Variants in GRM7 observed in about 807,000 individuals in gnomAD.
GRM7 encodes glutamate metabotropic receptor 7, also known as metabotropic glutamate receptor 7.
In GRM7, 35 loss-of-function variants were observed where a neutral mutation model predicts 84.5. The observed-to-expected ratio is 0.41, with a 90% confidence interval of 0.32 to 0.55. The LOEUF (loss-of-function observed/expected upper bound fraction) is 0.55. GRM7 is among the 20% of genes least tolerant of loss of function. The pLI is 0.19. For missense variants in GRM7, 1,003 were observed against 1,194.6 expected (o/e 0.84, Z 2.36); for synonymous variants, 487 against 455.1 (o/e 1.07, Z -0.89).
rs114014560 is a variant in GRM7, at chr3:7,597,896, G to T, written c.2451+18539G>T. 4.0e-3 allele frequency among the ~76,000 whole-genome samples: 605 copies of T among 152,258 alleles called. 5 individuals carry two copies. The highest frequency in any genetic ancestry group is 0.014 in the African/African-American group (584 of 41,558). On this transcript the variant is annotated intron_variant, in intron 8 of 9. Transcript: ENST00000357716. ...TAAATGAGGAATAAGGGAAGTTGGT[G>T]ATGGACAACAGATCTCTTGTTACAT...
chr3:7,398,500 C>A (rs1294309694), intron 4 of GRM7, among the ~76,000 whole-genome samples: 1 of 151,954 alleles, frequency 6.6e-6, no homozygotes, highest in African/African-American at 2.4e-5. Flanking sequence ...TAAGATATGG[C>A]AAGTTTCTTG....
At chr3:7,034,179 T>C (rs892778937) in intron 1 of GRM7, among the ~76,000 whole-genome samples, 1 of 152,184 alleles carries the variant, frequency 6.6e-6, no homozygotes, top group Non-Finnish European at 1.5e-5. Flanking sequence ...CATTCCATCA[T>C]TGATCTTTTG....
chr3:6,880,760 G>A (rs777064921), intron 1 of GRM7, among the ~76,000 whole-genome samples: 5 of 151,908 alleles, frequency 3.3e-5, no homozygotes, highest in East Asian at 1.9e-4. Flanking sequence ...TTCTCGTCTC[G>A]TATTTGGACT....
chr3:6,880,648 C>A (rs1442744231), intron 1 of GRM7, among the ~76,000 whole-genome samples: 8 of 149,392 alleles, frequency 5.4e-5, no homozygotes, highest in East Asian at 2.0e-4. Flanking sequence ...TTTGATATCA[C>A]CCCATCCACT....
chr3:7,517,902 G>A (rs75561106), intron 7 of GRM7, among the ~76,000 whole-genome samples: 13,852 of 152,226 alleles, frequency 0.091, 801 homozygotes, highest in Non-Finnish European at 0.11. Flanking sequence ...TGCCCAAAGT[G>A]CATATTTACA....
intron 1 of GRM7, among the ~76,000 whole-genome samples, chr3:7,016,147 T>C (rs1413382816): frequency 6.6e-6 from 1 of 152,140 alleles, no homozygotes; most frequent in African/African-American, 2.4e-5. Context: ...TCCCAGCTAG[T>C]TCTATTGTTA....
intron 1 of GRM7, among the ~76,000 whole-genome samples, chr3:7,007,449 C>T (rs1055382097): frequency 3.3e-5 from 5 of 152,198 alleles, no homozygotes; most frequent in Admixed American, 1.3e-4. Flanking sequence ...TTATCTCACT[C>T]ATTCTCAGAG....
At position 6,939,670 on chromosome 3, in the gene GRM7, C is replaced by T. The variant is rs78631983; in HGVS notation, c.519+77763C>T. On this transcript the variant is annotated intron_variant, in intron 1 of 9. Coordinates refer to ENST00000357716, the MANE Select transcript of GRM7 (RefSeq NM_000844.4). ...ACACCAGGGATTGCTGCCCTAAAGCCTCCATTGCCAGATGAAATTACAGAC... is the reference window on the plus strand; with the variant it reads ...ACACCAGGGATTGCTGCCCTAAAGCTTCCATTGCCAGATGAAATTACAGAC... Among the ~76,000 whole-genome samples, 1,152 of 152,242 alleles carry T rather than the reference C, an allele frequency of 7.6e-3. 9 individuals carry two copies. The highest frequency in any genetic ancestry group is 0.027 in the African/African-American group (1,104 of 41,522).
chr3:7,347,631 T>A (rs1422096347), intron 4 of GRM7, among the ~76,000 whole-genome samples: 2 of 152,160 alleles, frequency 1.3e-5, no homozygotes, highest in Admixed American at 6.5e-5. Context: ...CAATACTCAA[T>A]TTTGTTCTAA....
chr3:7,218,177 T>C (rs2124867108), intron 2 of GRM7, among the ~76,000 whole-genome samples: 1 of 152,226 alleles, frequency 6.6e-6, no homozygotes, highest in African/African-American at 2.4e-5. Context: ...CATTGTTGAT[T>C]AAAAACTATG....
chr3:7,578,896 T>C lies in GRM7; in HGVS notation c.1990T>C (p.Leu664=). The C allele has an allele frequency of 1.2e-6, 2 of 1,614,172 alleles. No homozygotes were observed. The highest frequency in any genetic ancestry group is 1.7e-6 in the Non-Finnish European group (2 of 1,180,034). ...TTCTTTCCGGCGAGTTTTCTTGGGCTTGGGTATGTGCATCAGTTATGCAGC... is the reference window on the plus strand; with the variant it reads ...TTCTTTCCGGCGAGTTTTCTTGGGCCTGGGTATGTGCATCAGTTATGCAGC... ...VCSFRRVFLG[L]GMCISYAALL... is the part of the protein sequence containing the mutation. Residue 664 remains leucine (L), a synonymous_variant, in exon 8 of 10, where the codon TTG becomes CTG. Transcript: ENST00000357716.
rs933481814 is a variant in GRM7 at position 7,340,366 on chromosome 3, G to A, written c.1033+33714G>A. Reference sequence around the variant, plus strand: ...AGGCCTTAGGAAACTTACAATCATGGCAGAAGGGGAAGCAGACACATCTTA... The same window carrying A: ...AGGCCTTAGGAAACTTACAATCATGACAGAAGGGGAAGCAGACACATCTTA... On this transcript the variant is annotated intron_variant, in intron 4 of 9. Transcript: ENST00000357716. 1.4e-4 allele frequency among the ~76,000 whole-genome samples: 22 copies of A among 152,254 alleles called. 1 individual carries two copies. Among genetic ancestry groups the A allele is most frequent in the African/African-American group, 5.1e-4 (21 of 41,574 alleles).
At chr3:6,954,188 A>G (rs1230288875) in intron 1 of GRM7, among the ~76,000 whole-genome samples, 1 of 152,212 alleles carries the variant, frequency 6.6e-6, no homozygotes, top group Non-Finnish European at 1.5e-5. Flanking sequence ...TATTCAGGGT[A>G]TACATCACTG....
intron 1 of GRM7, among the ~76,000 whole-genome samples, chr3:7,065,449 C>A (rs1350729440): frequency 1.3e-5 from 2 of 151,792 alleles, no homozygotes; most frequent in African/African-American, 4.8e-5. Flanking sequence ...AAAAGGGTAT[C>A]CTTTCCCCAC....
rs967048034 is a variant in GRM7, at chr3:6,942,125, T to G, written c.519+80218T>G. Among the ~76,000 whole-genome samples the G allele has an allele frequency of 4.0e-5, 6 of 150,830 alleles. No homozygotes were observed. The East Asian group carries it at 5.9e-4, about 15-fold the overall frequency. The stretch of plus-strand genomic sequence containing the variant: ...TTTGGATAGAAGTCACTATACCTTA[T>G]TGAATGTATTTTCAGCTCTTTTTTT... On this transcript the variant is annotated intron_variant, in intron 1 of 9. Transcript: ENST00000357716.
intron 1 of GRM7, among the ~76,000 whole-genome samples, chr3:7,070,404 G>A (rs1697826492): frequency 6.6e-6 from 1 of 152,056 alleles, no homozygotes; most frequent in Non-Finnish European, 1.5e-5. Flanking sequence ...CTGATTGAAT[G>A]ATTTGCATTA....
chr3:7,582,838 C>T (rs1361496949), intron 8 of GRM7, among the ~76,000 whole-genome samples: 2 of 152,088 alleles, frequency 1.3e-5, no homozygotes, highest in Non-Finnish European at 2.9e-5. Context: ...TGCATGTCTC[C>T]CCAACCCTAT....
At chr3:6,881,125 CT>C (rs1233237531) in intron 1 of GRM7, among the ~76,000 whole-genome samples, 2 of 151,972 alleles carry the variant, frequency 1.3e-5, no homozygotes, top group Non-Finnish European at 2.9e-5. Flanking sequence ...AATACACATT[CT>C]TTTTTTCTTT....
chr3:7,516,111 G>C (rs538775015), intron 7 of GRM7, among the ~76,000 whole-genome samples: 1 of 143,128 alleles, frequency 7.0e-6, no homozygotes, highest in East Asian at 2.1e-4. Flanking sequence ...CCCGCAGTGA[G>C]TGTGATCACA....
Sources: gnomAD v4.1 joint callset for allele counts (sites outside exome capture counted in the v4.1 genomes callset) on GRCh38, gnomAD v4.1.1 for gene constraint, MANE v1.5 for transcripts, NCBI Gene and HGNC (gene_info 2026-07-23, HGNC 2026-07-21) for gene names.